Variants in PRKD1 observed in about 807,000 individuals in gnomAD.
The protein encoded by PRKD1 is protein kinase D1, also known as serine/threonine-protein kinase D1.
PRKD1 carries 63 observed loss-of-function variants against 95.9 expected under a neutral mutation model. The observed-to-expected ratio is 0.66, with a 90% CI of 0.54 to 0.81. The LOEUF is 0.81. PRKD1 is among the 30% of genes least tolerant of loss of function. The probability of loss-of-function intolerance (pLI) is 0.00; values close to 1 mark genes in which losing one functional copy is unlikely to be tolerated. For synonymous variants in PRKD1, 425 were observed against 423.1 expected, an observed-to-expected ratio of 1.00 and a Z score of -0.05; for missense variants, 1,048 against 1,165.3, an observed-to-expected ratio of 0.90 and a Z score of 1.47.
At chr14:29,747,572 A>G (rs1219279014) in intron 1 of PRKD1, among the ~76,000 whole-genome samples, 1 of 152,156 alleles carries the variant, frequency 6.6e-6, no homozygotes, top group Non-Finnish European at 1.5e-5. Flanking sequence ...AAATAAATGG[A>G]TAAGTAAATT....
At chr14:29,583,826 TAA>T (rs1224858358) in intron 16 of PRKD1, among the ~76,000 whole-genome samples, 1 of 152,032 alleles carries the variant, frequency 6.6e-6, no homozygotes, top group Non-Finnish European at 1.5e-5. Context: ...CTACAAATTA[TAA>T]AAAAAATTTA....
chr14:29,737,975 C>T (rs761644381), intron 1 of PRKD1, among the ~76,000 whole-genome samples: 27 of 152,126 alleles, frequency 1.8e-4, no homozygotes, highest in Non-Finnish European at 3.5e-4. Context: ...GTGATTATCA[C>T]GTATGTAGCA....
intron 1 of PRKD1, among the ~76,000 whole-genome samples, chr14:29,849,938 C>G (rs1036623852): frequency 2.6e-4 from 40 of 152,170 alleles, no homozygotes; most frequent in African/African-American, 9.1e-4. Flanking sequence ...TAAACAGAAT[C>G]AAAAACAAAA....
At chr14:29,722,655 G>C (rs1885952379) in intron 2 of PRKD1, among the ~76,000 whole-genome samples, 1 of 152,160 alleles carries the variant, frequency 6.6e-6, no homozygotes, top group South Asian at 2.1e-4. Flanking sequence ...GGGAAAGATT[G>C]CTGAACAATA....
intron 1 of PRKD1, among the ~76,000 whole-genome samples, chr14:29,832,356 TTTAAA>T (rs1251393504): frequency 1.3e-5 from 2 of 152,220 alleles, no homozygotes; most frequent in African/African-American, 2.4e-5. Context: ...TTTCCTTTTC[TTTAAA>T]TTAGTTTATC....
In PRKD1 at chr14:29,663,882, A is replaced by G. The variant is rs543526670; in HGVS notation, c.536-23T>C. The stretch of plus-strand genomic sequence containing the variant: ...ACCCTGGAAAGGGAAAATAAAAATT[A>G]TTTTTATTGAACCATAAATTAAAAA... On this transcript the variant is annotated intron_variant, in intron 3 of 17. Coordinates refer to ENST00000331968, the MANE Select transcript of PRKD1 (RefSeq NM_002742.3). 28 of 1,605,574 alleles carry G rather than the reference A, an allele frequency of 1.7e-5. No individual in the cohort carries two copies. In the South Asian group the frequency reaches 3.1e-4, roughly 18 times the overall value.
intron 4 of PRKD1, among the ~76,000 whole-genome samples, chr14:29,648,818 C>A (rs1404687847): frequency 6.6e-6 from 1 of 152,100 alleles, no homozygotes; most frequent in Non-Finnish European, 1.5e-5. Context: ...CCATGCCCAG[C>A]TAATTTTTTG....
At chr14:29,618,392 A>G (rs1284804722) in intron 13 of PRKD1, among the ~76,000 whole-genome samples, 1 of 151,840 alleles carries the variant, frequency 6.6e-6, no homozygotes, top group Non-Finnish European at 1.5e-5. Context: ...AGTAGCTGGG[A>G]CTACAGATGT....
chr14:29,626,914 C>T (rs1879668313), intron 11 of PRKD1, among the ~76,000 whole-genome samples: 3 of 152,100 alleles, frequency 2.0e-5, no homozygotes, highest in East Asian at 1.9e-4. Flanking sequence ...GGGGTTTCAC[C>T]ATGTTGGTCA....
At chr14:29,816,004 A>G (rs1184874593) in intron 1 of PRKD1, among the ~76,000 whole-genome samples, 3 of 152,074 alleles carry the variant, frequency 2.0e-5, no homozygotes, top group Admixed American at 6.6e-5. Context: ...CGGATCACAA[A>G]GTCAGGAGAT....
Position 29,756,164 on chromosome 14 carries a change from T to A in PRKD1, c.265-30490A>T, listed in dbSNP as rs45583639. On this transcript the variant is annotated intron_variant, in intron 1 of 17. Coordinates refer to ENST00000331968, the MANE Select transcript of PRKD1 (RefSeq NM_002742.3). ...CATTGAGTTTCCAGAACATATGATA[T>A]CATTTCAAAGACATATGACAGAGAA... Among the ~76,000 whole-genome samples the A allele has an allele frequency of 1.5e-3, 224 of 152,292 alleles. 3 individuals carry two copies. Among genetic ancestry groups the A allele is most frequent in the Admixed American group, 9.6e-3 (147 of 15,296 alleles).
At chr14:29,660,188 T>C (rs1438039383) in intron 4 of PRKD1, among the ~76,000 whole-genome samples, 1 of 152,238 alleles carries the variant, frequency 6.6e-6, no homozygotes, top group Non-Finnish European at 1.5e-5. Flanking sequence ...CACAGCAGTT[T>C]TTCCCTTGTC....
intron 1 of PRKD1, among the ~76,000 whole-genome samples, chr14:29,761,985 T>G (rs529824504): frequency 3.3e-5 from 5 of 151,964 alleles, no homozygotes; most frequent in Non-Finnish European, 7.4e-5. Context: ...TTCCCCAGGA[T>G]GGCCTTGAAC....
chr14:29,663,148 CATATATATAT>C (rs61506580), intron 4 of PRKD1, among the ~76,000 whole-genome samples: 10 of 131,636 alleles, frequency 7.6e-5, no homozygotes, highest in Admixed American at 7.2e-4. Flanking sequence ...AATATTCTTC[CATATATATAT>C]ATATATATAT....
intron 1 of PRKD1, among the ~76,000 whole-genome samples, chr14:29,860,155 T>C (rs913661407): frequency 1.3e-5 from 2 of 152,244 alleles, no homozygotes; most frequent in African/African-American, 4.8e-5. Context: ...ATCTACAATC[T>C]GCAAAACAAG....
chr14:29,826,852 T>TAC (rs1311567989), intron 1 of PRKD1, among the ~76,000 whole-genome samples: 3 of 92,744 alleles, frequency 3.2e-5, no homozygotes, highest in African/African-American at 8.5e-5. Flanking sequence ...CACATATATA[T>TAC]ATATATATAT....
rs529816887 is a variant in PRKD1, at chr14:29,689,331, C to G, written c.404-23123G>C. On this transcript the variant is annotated intron_variant, in intron 2 of 17. Transcript: ENST00000331968. ...CAGACATTTCTCAAAAGAAGACATT[C>G]AGGCAGCCAATAAACATTTTTTAAA... Among the ~76,000 whole-genome samples, 195 of 152,004 alleles carry G rather than the reference C, an allele frequency of 1.3e-3. 1 individual carries two copies. Among genetic ancestry groups the G allele is most frequent in the African/African-American group, 4.1e-3 (171 of 41,486 alleles).
intron 1 of PRKD1, among the ~76,000 whole-genome samples, chr14:29,776,644 T>G (rs1888770856): frequency 6.6e-6 from 1 of 152,094 alleles, no homozygotes; most frequent in African/African-American, 2.4e-5. Flanking sequence ...TGGAACTATG[T>G]GAAAAGACCA....
chr14:29,795,676 C>T (rs1889782291), intron 1 of PRKD1, among the ~76,000 whole-genome samples: 1 of 152,008 alleles, frequency 6.6e-6, no homozygotes, highest in Admixed American at 6.6e-5. Flanking sequence ...ATGATAAATA[C>T]AACAATGTGC....
Sources: allele counts gnomAD v4.1 joint callset (sites outside exome capture counted in the v4.1 genomes callset), GRCh38; gene constraint gnomAD v4.1.1; transcripts MANE v1.5; gene names NCBI Gene and HGNC (gene_info 2026-07-23, HGNC 2026-07-21).